REV3L: variants seen among roughly 807,000 people sequenced by gnomAD.
The protein encoded by REV3L is REV3 like, DNA directed polymerase zeta catalytic subunit.
A neutral mutation model predicts 299.4 loss-of-function variants in REV3L; 69 were observed. The observed-to-expected ratio is 0.23, with a 90% CI of 0.19 to 0.28. REV3L has a LOEUF of 0.28. Ranked by LOEUF, REV3L falls within the 10% of genes least tolerant of loss-of-function variation. The pLI is 1.00. For synonymous variants in REV3L, 1,238 were observed against 1,271.4 expected, an observed-to-expected ratio of 0.97 and a Z score of 0.56; for missense variants, 3,128 against 3,693.8, an observed-to-expected ratio of 0.85 and a Z score of 3.97.
intron 4 of REV3L, among the ~76,000 whole-genome samples, chr6:111,395,283 T>C (rs2128260287): frequency 6.6e-6 from 1 of 152,350 alleles, no homozygotes; most frequent in South Asian, 2.1e-4. Flanking sequence ...AATGAATCTT[T>C]AGATTTTATT....
chr6:111,470,519 A>C (rs1792070262), intron 1 of REV3L, among the ~76,000 whole-genome samples: 1 of 152,242 alleles, frequency 6.6e-6, no homozygotes, highest in Non-Finnish European at 1.5e-5. Flanking sequence ...CAGGGCACAC[A>C]GTCCTTAATA....
At position 111,374,639 on chromosome 6, in the gene REV3L, A is replaced by T. The variant is rs371753382; in HGVS notation, c.3716T>A (p.Val1239Asp). The change falls in exon 13 of 32, where the codon GTT becomes GAT. Residue 1239 changes from valine to aspartate, a missense_variant. Around this residue, in one of 9 missense-constraint regions of REV3L, gnomAD observed 2,409 missense variants for 2,611.8 expected, o/e 0.92. Coordinates refer to ENST00000368802, the MANE Select transcript of REV3L (RefSeq NM_001372078.1). Reference protein sequence around the residue: ...EKIKSQSGAEVKFVLKHQNVS... With the variant: ...EKIKSQSGAEDKFVLKHQNVS... ...ATTCTGGTGTTTCAGTACAAACTTA[A>T]CCTCAGCACCAGACTGAGATTTTAT... is the stretch of plus-strand genomic sequence containing the variant. 5.7e-5 allele frequency: 92 copies of T among 1,613,444 alleles called. No homozygotes were observed. Among genetic ancestry groups the T allele is most frequent in the Non-Finnish European group, 7.1e-5 (84 of 1,179,860 alleles).
intron 1 of REV3L, among the ~76,000 whole-genome samples, chr6:111,421,345 T>A (rs1448843884): frequency 6.6e-6 from 1 of 152,140 alleles, no homozygotes; most frequent in South Asian, 2.1e-4. Flanking sequence ...TTCCTCTAAT[T>A]TGGGGGTCTG....
chr6:111,392,833 G>A, intron 5 of REV3L, 43 bp downstream of exon 5: 1 of 1,218,590 alleles, frequency 8.2e-7, no homozygotes, highest in African/African-American at 1.5e-5. Context: ...ATCACAACTA[G>A]GATATATGTA....
chr6:111,440,273 T>C (rs1414407508), intron 1 of REV3L, among the ~76,000 whole-genome samples: 1 of 152,206 alleles, frequency 6.6e-6, no homozygotes, highest in African/African-American at 2.4e-5. Flanking sequence ...TTCTCCATGT[T>C]GGTCAGGCTG....
intron 9 of REV3L, among the ~76,000 whole-genome samples, chr6:111,382,789 C>T (rs533192730): frequency 2.0e-5 from 3 of 152,102 alleles, no homozygotes; most frequent in Admixed American, 6.5e-5. Context: ...TGTCACCCCC[C>T]CTCCCCCAAC....
At chr6:111,339,176 C>T (rs1776238871) in intron 21 of REV3L, among the ~76,000 whole-genome samples, 1 of 152,060 alleles carries the variant, frequency 6.6e-6, no homozygotes, top group South Asian at 2.1e-4. Flanking sequence ...GAAAGACGTA[C>T]CAATTAATTA....
At chr6:111,346,846 T>C (rs982269933) in intron 20 of REV3L, among the ~76,000 whole-genome samples, 26 of 152,210 alleles carry the variant, frequency 1.7e-4, no homozygotes, top group Non-Finnish European at 2.8e-4. Context: ...AAGCTACTAG[T>C]TAATTTGCTA....
chr6:111,352,876 T>C (rs1020722676), intron 18 of REV3L, among the ~76,000 whole-genome samples: 1 of 152,164 alleles, frequency 6.6e-6, no homozygotes, highest in Admixed American at 6.5e-5. Flanking sequence ...GTGACCACCA[T>C]AGAGAAATGT....
chr6:111,356,761 A>C, intron 18 of REV3L: 1 of 207,284 alleles, frequency 4.8e-6, no homozygotes, highest in Non-Finnish European at 9.6e-6. Flanking sequence ...GTTAGAGGCT[A>C]AACAAATATT....
At position 111,389,128 on chromosome 6, in the gene REV3L, T is replaced by C. The variant is rs1333126016; in HGVS notation, c.840A>G (p.Gln280=). The C allele has an allele frequency of 6.2e-7, 1 of 1,613,822 alleles. No homozygotes were observed. Among genetic ancestry groups the C allele is most frequent in the East Asian group, 2.2e-5 (1 of 44,852 alleles). ...TACCTTGTGACTCAGGTTGGCTCAT[T>C]TGAGAAGTTTCATTTCTGTTTCTTC... ...QRRRNRNETS[Q]MSQPESQDHR... is the part of the protein sequence containing the mutation. Residue 280 remains glutamine (Q), a synonymous_variant, in exon 7 of 32, where the codon CAA becomes CAG. Transcript: ENST00000368802.
chr6:111,303,161 C>T (rs374954619), intron 31 of REV3L, among the ~76,000 whole-genome samples: 5 of 55,510 alleles, frequency 9.0e-5, no homozygotes, highest in African/African-American at 1.8e-4. Flanking sequence ...GCTTTCTTTT[C>T]TTTCTTTTTT....
chr6:111,394,246 C>T (rs547539446), intron 4 of REV3L, among the ~76,000 whole-genome samples: 1 of 152,266 alleles, frequency 6.6e-6, no homozygotes, highest in East Asian at 1.9e-4. Context: ...TACTAATTTA[C>T]ATTCCCACCA....
At chr6:111,319,000 T>C (rs1158612245) in intron 26 of REV3L, among the ~76,000 whole-genome samples, 17 of 152,128 alleles carry the variant, frequency 1.1e-4, no homozygotes, top group Admixed American at 1.1e-3. Flanking sequence ...AAAGGGAGAA[T>C]AAGATAACTT....
intron 13 of REV3L, among the ~76,000 whole-genome samples, chr6:111,371,219 T>C (rs1339260115): frequency 6.6e-6 from 1 of 152,226 alleles, no homozygotes; most frequent in Non-Finnish European, 1.5e-5. Context: ...TTAAACTTTC[T>C]GGATTAAGCC....
At chr6:111,412,619 ACT>A (rs1398287987) in intron 2 of REV3L, among the ~76,000 whole-genome samples, 3 of 151,976 alleles carry the variant, frequency 2.0e-5, no homozygotes, top group Non-Finnish European at 4.4e-5. Context: ...AATAGAATTT[ACT>A]CTCATAGGAC....
intron 1 of REV3L, among the ~76,000 whole-genome samples, chr6:111,442,943 T>C (rs960089718): frequency 2.0e-5 from 3 of 152,112 alleles, no homozygotes; most frequent in Non-Finnish European, 2.9e-5. Flanking sequence ...TGGTGTTTTT[T>C]GTTTCTGGGA....
intron 26 of REV3L, among the ~76,000 whole-genome samples, chr6:111,316,349 C>T (rs143556688): frequency 0.024 from 3,690 of 151,770 alleles, 59 homozygotes; most frequent in Admixed American, 0.063. Context: ...TCCCTTAAGG[C>T]TAGAATCACT....
intron 3 of REV3L, among the ~76,000 whole-genome samples, chr6:111,406,315 C>G (rs957666755): frequency 6.6e-6 from 1 of 152,090 alleles, no homozygotes; most frequent in Admixed American, 6.6e-5. Flanking sequence ...GGAACTGAAA[C>G]CACTGAGTAA....
Sources: gnomAD v4.1 joint callset for allele counts (sites outside exome capture counted in the v4.1 genomes callset) on GRCh38, gnomAD v4.1.1 for gene constraint, gnomAD v4.1.1 regional missense constraint, MANE v1.5 for transcripts, NCBI Gene and HGNC (gene_info 2026-07-23, HGNC 2026-07-21) for gene names.